The following EYA2 variants were observed in gnomAD, a reference collection of about 807,000 sequenced individuals.
EYA2 encodes the protein protein phosphatase EYA2.
Under a neutral mutation model 69.2 loss-of-function variants are expected in EYA2, and 31 were observed. The ratio of observed to expected loss-of-function variants is 0.45; its 90% CI spans 0.34 to 0.60. The LOEUF is 0.60. Among genes scored for constraint, EYA2 ranks in the 20% least tolerant of loss-of-function variants. EYA2 has a pLI of 0.02. For synonymous variants in EYA2, 257 were observed against 279.4 expected (o/e 0.92, Z 0.80); for missense variants, 622 against 701.2 (o/e 0.89, Z 1.28).
At chr20:47,020,806 CTAAA>C (rs1407207990) in intron 5 of EYA2, among the ~76,000 whole-genome samples, 2 of 151,928 alleles carry the variant, frequency 1.3e-5, no homozygotes, top group African/African-American at 4.8e-5. Context: ...CTTTGGGAGA[CTAAA>C]TAACATGATT....
At chr20:47,045,055 T>C (rs373997106) in intron 5 of EYA2, among the ~76,000 whole-genome samples, 3 of 152,218 alleles carry the variant, frequency 2.0e-5, no homozygotes, top group East Asian at 3.8e-4. Context: ...GTGATTGCTG[T>C]GTAACAAAAC....
At chr20:47,070,425 C>T (rs778330295) in intron 5 of EYA2, among the ~76,000 whole-genome samples, 4 of 152,202 alleles carry the variant, frequency 2.6e-5, no homozygotes, top group Admixed American at 6.5e-5. Context: ...CGAGAACTCT[C>T]GTGCATTACC....
intron 9 of EYA2, among the ~76,000 whole-genome samples, chr20:47,102,206 C>T (rs1183526498): frequency 1.3e-5 from 2 of 152,194 alleles, no homozygotes; most frequent in African/African-American, 4.8e-5. Context: ...AGCACAACTT[C>T]TAGGCGTTAA....
chr20:46,969,008 C>T (rs1010327866), intron 1 of EYA2, among the ~76,000 whole-genome samples: 2 of 151,792 alleles, frequency 1.3e-5, no homozygotes, highest in African/African-American at 2.4e-5. Flanking sequence ...AGCACTTGCT[C>T]GGTGTGATGA....
intron 9 of EYA2, among the ~76,000 whole-genome samples, chr20:47,125,744 A>G (rs944858897): frequency 6.6e-6 from 1 of 152,246 alleles, no homozygotes; most frequent in Non-Finnish European, 1.5e-5. Flanking sequence ...TTTAATGAAC[A>G]GCTTTAATTA....
chr20:46,910,558 G>A (rs993147092), intron 1 of EYA2, among the ~76,000 whole-genome samples: 4 of 152,194 alleles, frequency 2.6e-5, no homozygotes, highest in African/African-American at 9.6e-5. Flanking sequence ...CAGAGGATAA[G>A]TGAGAGATGA....
intron 1 of EYA2, among the ~76,000 whole-genome samples, chr20:46,933,836 G>A (rs771309442): frequency 1.3e-5 from 2 of 152,240 alleles, no homozygotes; most frequent in Non-Finnish European, 2.9e-5. Flanking sequence ...AGAGAGTAAT[G>A]AGAGAGGCAG....
intron 4 of EYA2, 22 bp downstream of exon 4, chr20:47,005,106 ACT>A (rs1568718642): frequency 1.2e-6 from 2 of 1,609,816 alleles, no homozygotes; most frequent in Admixed American, 3.3e-5. Flanking sequence ...ACAAGTCCTT[ACT>A]CTCCTCCTCA....
chr20:47,087,927 T>C (rs1374785645), intron 7 of EYA2, among the ~76,000 whole-genome samples: 1 of 152,232 alleles, frequency 6.6e-6, no homozygotes, highest in Non-Finnish European at 1.5e-5. Flanking sequence ...TTAAAAGGCT[T>C]GCATTTAATA....
At chr20:47,108,282 C>T (rs533806160) in intron 9 of EYA2, among the ~76,000 whole-genome samples, 7 of 152,184 alleles carry the variant, frequency 4.6e-5, no homozygotes, top group East Asian at 3.9e-4. Context: ...TCTTAGTTCC[C>T]GTGAGAACTC....
At chr20:47,028,873 G>A (rs548475728) in intron 5 of EYA2, among the ~76,000 whole-genome samples, 120 of 152,152 alleles carry the variant, frequency 7.9e-4, no homozygotes, top group African/African-American at 1.8e-3. Flanking sequence ...CCTATATACC[G>A]GGGTAGCCCC....
intron 2 of EYA2, among the ~76,000 whole-genome samples, chr20:46,999,834 G>A (rs1600626050): frequency 1.3e-5 from 2 of 152,338 alleles, no homozygotes; most frequent in African/African-American, 4.8e-5. Flanking sequence ...GACCTTCGGA[G>A]CCCCGGTTTC....
At position 46,950,510 on chromosome 20, in the gene EYA2, C is replaced by T. The variant is rs543230754; in HGVS notation, c.-10-39491C>T. On this transcript the variant is annotated intron_variant, in intron 1 of 15. Transcript: ENST00000327619. The stretch of plus-strand genomic sequence containing the variant: ...CACTCTGCAGCATCTGTTCCCTGCT[C>T]CTCCTTCTGGGTGCTCCTCCACCAA... Among the ~76,000 whole-genome samples, 15 of 152,272 alleles carry T rather than the reference C, an allele frequency of 9.9e-5. No individual in the cohort carries two copies. The East Asian group carries it at 2.9e-3, about 29-fold the overall frequency.
At chr20:47,179,401 A>C (rs2034490583) in intron 12 of EYA2, among the ~76,000 whole-genome samples, 1 of 141,578 alleles carries the variant, frequency 7.1e-6, no homozygotes. Flanking sequence ...GGATGGGTGG[A>C]TGGATGGATA....
chr20:47,169,300 A>G, intron 11 of EYA2, 103 bp downstream of exon 11: 3 of 1,149,342 alleles, frequency 2.6e-6, no homozygotes, highest in Non-Finnish European at 3.9e-6. Context: ...GCTTATAAGG[A>G]CAAGGAGTGC....
chr20:47,035,936 G>A (rs1984683053), intron 5 of EYA2, among the ~76,000 whole-genome samples: 2 of 152,118 alleles, frequency 1.3e-5, no homozygotes, highest in African/African-American at 4.8e-5. Flanking sequence ...ACTTGAGCCT[G>A]GGCAGTCGAG....
chr20:46,974,486 T>C (rs1178460690), intron 1 of EYA2, among the ~76,000 whole-genome samples: 1 of 151,918 alleles, frequency 6.6e-6, no homozygotes, highest in Non-Finnish European at 1.5e-5. Flanking sequence ...CAGTGAAGGG[T>C]AATGTTGCTG....
intron 4 of EYA2, among the ~76,000 whole-genome samples, chr20:47,013,681 G>A (rs539150917): frequency 1.3e-5 from 2 of 152,258 alleles, no homozygotes; most frequent in East Asian, 3.9e-4. Context: ...GAGCGAAGGA[G>A]CCCAGGAAAG....
intron 1 of EYA2, among the ~76,000 whole-genome samples, chr20:46,962,024 T>C (rs1364766533): frequency 6.6e-6 from 1 of 152,228 alleles, no homozygotes; most frequent in African/African-American, 2.4e-5. Context: ...ATTTTCTTTC[T>C]TTCTTTCTTT....
Sources: gnomAD v4.1 joint callset for allele counts (sites outside exome capture counted in the v4.1 genomes callset) on GRCh38, gnomAD v4.1.1 for gene constraint, MANE v1.5 for transcripts, NCBI Gene and HGNC (gene_info 2026-07-23, HGNC 2026-07-21) for gene names.